TMEM132B: variants seen among roughly 807,000 people sequenced by gnomAD.
TMEM132B encodes transmembrane protein 132B.
TMEM132B carries 18 observed loss-of-function variants against 90.8 expected under a neutral mutation model. The ratio of observed to expected loss-of-function variants is 0.20; its 90% CI spans 0.14 to 0.29. The LOEUF is 0.29. TMEM132B is among the 10% of genes least tolerant of loss of function. The pLI, the probability that TMEM132B is intolerant of heterozygous loss-of-function variation, is 1.00. For missense variants in TMEM132B, 1,096 were observed against 1,326.8 expected (o/e 0.83, Z 2.70); for synonymous variants, 504 against 523.3 (o/e 0.96, Z 0.50).
intron 3 of TMEM132B, among the ~76,000 whole-genome samples, chr12:125,505,105 C>T (rs113045746): frequency 0.021 from 2,806 of 131,588 alleles, 30 homozygotes; most frequent in Middle Eastern, 0.048. Context: ...GTGTCCAGGA[C>T]GTGATCCAAA....
chr12:125,307,494 T>G (rs183043415), intron 1 of TMEM132B, among the ~76,000 whole-genome samples: 11 of 152,192 alleles, frequency 7.2e-5, no homozygotes, highest in Admixed American at 2.6e-4. Context: ...CGTTGTTGGA[T>G]TGAATGAATG....
At chr12:125,314,405 C>T (rs955491651) in intron 1 of TMEM132B, among the ~76,000 whole-genome samples, 8 of 152,204 alleles carry the variant, frequency 5.3e-5, no homozygotes, top group African/African-American at 1.7e-4. Flanking sequence ...TGCTCAGAAG[C>T]CTGGTTTGCA....
intron 1 of TMEM132B, among the ~76,000 whole-genome samples, chr12:125,230,403 G>A (rs1428174764): frequency 1.3e-5 from 2 of 152,144 alleles, no homozygotes; most frequent in Non-Finnish European, 2.9e-5. Context: ...AGAAATGCAG[G>A]TCCTCAGGCC....
chr12:125,551,143 G>A (rs998681384), intron 4 of TMEM132B, among the ~76,000 whole-genome samples: 1 of 152,194 alleles, frequency 6.6e-6, no homozygotes, highest in African/African-American at 2.4e-5. Flanking sequence ...GTATTCTTGG[G>A]CCTTGTTGCC....
rs977403574 is a variant in TMEM132B, at chr12:125,408,754, C to T, written c.960-6777C>T. 6.6e-6 allele frequency among the ~76,000 whole-genome samples: 1 copy of T among 152,136 alleles called. No homozygotes were observed. The highest frequency in any genetic ancestry group is 1.5e-5 in the Non-Finnish European group (1 of 68,014). ...AAACCGAGGAGTGGCAATGCTGTTA[C>T]AGGGTCTACGGAAATTCAGGCTTTG... On this transcript the variant is annotated intron_variant, in intron 2 of 8. Transcript: ENST00000682704. This position sits in a 1 kb window ranked among gnomAD's most constrained non-coding sequence, Gnocchi z 5.9.
intron 3 of TMEM132B, among the ~76,000 whole-genome samples, chr12:125,438,056 A>G (rs550632244): frequency 2.2e-4 from 34 of 152,322 alleles, no homozygotes; most frequent in Non-Finnish European, 4.0e-4. Context: ...ACTTTAAGGG[A>G]TATTCAAAGG....
At chr12:125,391,335 G>A (rs1173337102) in intron 2 of TMEM132B, among the ~76,000 whole-genome samples, 1 of 152,186 alleles carries the variant, frequency 6.6e-6, no homozygotes, top group Non-Finnish European at 1.5e-5. Flanking sequence ...GTTGAAAGCA[G>A]AGGTGGCTCA....
intron 3 of TMEM132B, among the ~76,000 whole-genome samples, chr12:125,475,088 G>T (rs1411344111): frequency 3.3e-5 from 5 of 152,126 alleles, no homozygotes; most frequent in Non-Finnish European, 7.4e-5. Context: ...AGAAGGGGGA[G>T]GTGGATTACA....
At chr12:125,539,771 T>C (rs1477611172) in intron 4 of TMEM132B, among the ~76,000 whole-genome samples, 1 of 152,250 alleles carries the variant, frequency 6.6e-6, no homozygotes, top group Non-Finnish European at 1.5e-5. Context: ...GCTAGAGTTT[T>C]ATCAATTTTA....
intron 2 of TMEM132B, among the ~76,000 whole-genome samples, chr12:125,377,677 C>T (rs1878536986): frequency 6.6e-6 from 1 of 150,694 alleles, no homozygotes; most frequent in Admixed American, 6.6e-5. Context: ...TAGTTCTGAT[C>T]TCTCTCATGG....
chr12:125,245,338 G>A lies in TMEM132B; in HGVS notation c.67+58472G>A, dbSNP rs1300581851. Among the ~76,000 whole-genome samples, 9 of 150,094 alleles carry A rather than the reference G, an allele frequency of 6.0e-5. No individual in the cohort carries two copies. In the Admixed American group the frequency reaches 6.0e-4, roughly 10 times the overall value. On this transcript the variant is annotated intron_variant, in intron 1 of 8. Transcript: ENST00000682704. ...ACTCTGGCCCCCACCATGCCTGCCAGGAAAAGACCCCCCGCAACCAGGCAA... is the reference window on the plus strand; with the variant it reads ...ACTCTGGCCCCCACCATGCCTGCCAAGAAAAGACCCCCCGCAACCAGGCAA...
intron 1 of TMEM132B, among the ~76,000 whole-genome samples, chr12:125,260,073 A>G (rs1225620531): frequency 1.3e-5 from 2 of 152,232 alleles, no homozygotes; most frequent in African/African-American, 4.8e-5. Flanking sequence ...TGGTATCCAC[A>G]CTGAAGAGAT....
chr12:125,413,074 T>C (rs983940628), intron 2 of TMEM132B, among the ~76,000 whole-genome samples: 3 of 151,920 alleles, frequency 2.0e-5, no homozygotes, highest in African/African-American at 7.3e-5. Flanking sequence ...GGCAGAAACA[T>C]TTCATTTTCT....
intron 2 of TMEM132B, among the ~76,000 whole-genome samples, chr12:125,393,041 C>T (rs373601897): frequency 4.6e-5 from 7 of 152,264 alleles, no homozygotes; most frequent in South Asian, 4.1e-4. Flanking sequence ...AGACCGTTTG[C>T]GACTAGAAGC....
At chr12:125,295,515 T>TGTGTGA (rs531489519) in intron 1 of TMEM132B, among the ~76,000 whole-genome samples, 1,659 of 142,366 alleles carry the variant, frequency 0.012, 33 homozygotes, top group African/African-American at 0.041. Flanking sequence ...TGTGTGTGTG[T>TGTGTGA]GAGAGAGAGA....
intron 5 of TMEM132B, among the ~76,000 whole-genome samples, chr12:125,593,194 G>A (rs1418878988): frequency 6.6e-6 from 1 of 152,124 alleles, no homozygotes; most frequent in East Asian, 1.9e-4. Flanking sequence ...TGGTAATTTG[G>A]ACTTTTATTG....
At chr12:125,513,166 C>T (rs1355148549) in intron 3 of TMEM132B, among the ~76,000 whole-genome samples, 6 of 152,344 alleles carry the variant, frequency 3.9e-5, no homozygotes, top group East Asian at 1.9e-4. Context: ...CTGCTGCACT[C>T]GGCACATGCT....
chr12:125,418,615 CA>C (rs1880089120), intron 3 of TMEM132B, among the ~76,000 whole-genome samples: 1 of 152,144 alleles, frequency 6.6e-6, no homozygotes, highest in Non-Finnish European at 1.5e-5. Context: ...ATATCCCCAA[CA>C]AAACACCCTG....
chr12:125,535,387 C>G (rs951537334), intron 4 of TMEM132B, among the ~76,000 whole-genome samples: 8 of 152,154 alleles, frequency 5.3e-5, no homozygotes, highest in African/African-American at 1.9e-4. Context: ...GGCTTGGTAA[C>G]CTGTGAAATG....
Sources: gnomAD v4.1 joint callset for allele counts (sites outside exome capture counted in the v4.1 genomes callset) on GRCh38, gnomAD v4.1.1 for gene constraint, Gnocchi (gnomAD v3.1) non-coding constraint, MANE v1.5 for transcripts, NCBI Gene and HGNC (gene_info 2026-07-23, HGNC 2026-07-21) for gene names.